ARHGAP32: variants seen among roughly 807,000 people sequenced by gnomAD.
The protein encoded by ARHGAP32 is rho GTPase-activating protein 32.
Under a neutral mutation model 186.5 loss-of-function variants are expected in ARHGAP32, and 51 were observed. That is an observed-to-expected ratio of 0.27 (90% CI 0.22 to 0.35). ARHGAP32 has a LOEUF of 0.35. Ranked by LOEUF, ARHGAP32 falls within the 10% of genes least tolerant of loss-of-function variation. The pLI is 1.00. For missense variants in ARHGAP32, 2,186 were observed against 2,623.5 expected (o/e 0.83, Z 3.64); for synonymous variants, 950 against 964.3 (o/e 0.99, Z 0.27).
intron 1 of ARHGAP32, among the ~76,000 whole-genome samples, chr11:129,170,973 G>A (rs1335603394): frequency 6.6e-6 from 1 of 152,212 alleles, no homozygotes; most frequent in Non-Finnish European, 1.5e-5. Flanking sequence ...CTTCCTTTGA[G>A]AGGTGTCTGT....
At chr11:129,204,116 T>C (rs1944488976) in intron 1 of ARHGAP32, among the ~76,000 whole-genome samples, 1 of 150,946 alleles carries the variant, frequency 6.6e-6, no homozygotes, top group Non-Finnish European at 1.5e-5. Context: ...GAATATGCTA[T>C]AGTCCATGAG....
intron 1 of ARHGAP32, among the ~76,000 whole-genome samples, chr11:129,230,259 A>T (rs1944840486): frequency 6.6e-6 from 1 of 152,144 alleles, no homozygotes; most frequent in Non-Finnish European, 1.5e-5. Flanking sequence ...CTGCTTGGCC[A>T]ATCCAAATTA....
chr11:128,993,894 A>C lies in ARHGAP32; in HGVS notation c.1195+4425T>G, dbSNP rs1195885593. Among the ~76,000 whole-genome samples, 6 of 151,948 alleles carry C rather than the reference A, an allele frequency of 3.9e-5. No individual in the cohort carries two copies. In the East Asian group the frequency reaches 1.2e-3, roughly 29 times the overall value. ...TTTTTTGTAGAGACACTGTCCCTAC[A>C]AAAAAATCAATGACAAAAAATCAAT... On this transcript the variant is annotated intron_variant, in intron 12 of 22. Coordinates refer to ENST00000682385, the MANE Select transcript of ARHGAP32 (RefSeq NM_001378024.1).
At chr11:129,053,234 T>C (rs1462918447) in intron 10 of ARHGAP32, among the ~76,000 whole-genome samples, 1 of 152,128 alleles carries the variant, frequency 6.6e-6, no homozygotes, top group African/African-American at 2.4e-5. Flanking sequence ...ATATATCTAA[T>C]GGCACTAATA....
At position 129,067,618 on chromosome 11, in the gene ARHGAP32, G is replaced by A. The variant is rs371541912; in HGVS notation, c.532-750C>T. ...AATACAGAGTTTATCAGCTCACACC[G>A]CAACAACAACAAGTCCTTCAAAAGC... is the stretch of plus-strand genomic sequence containing the variant. On this transcript the variant is annotated intron_variant, in intron 6 of 22. Coordinates refer to ENST00000682385, the MANE Select transcript of ARHGAP32 (RefSeq NM_001378024.1). 2.8e-3 allele frequency among the ~76,000 whole-genome samples: 429 copies of A among 152,046 alleles called. 6 individuals carry two copies. The South Asian group carries it at 0.044, about 16-fold the overall frequency.
intron 11 of ARHGAP32, among the ~76,000 whole-genome samples, chr11:129,029,960 T>C (rs1244600920): frequency 6.6e-6 from 1 of 152,122 alleles, no homozygotes. Context: ...TATAAATACA[T>C]GGTATTATAA....
At chr11:129,058,493 AT>A (rs1940357795) in intron 10 of ARHGAP32, among the ~76,000 whole-genome samples, 1 of 152,288 alleles carries the variant, frequency 6.6e-6, no homozygotes, top group African/African-American at 2.4e-5. Flanking sequence ...CAAAATTAAA[AT>A]TTTAAAATAG....
At position 128,970,704 on chromosome 11, in the gene ARHGAP32, A is replaced by T. The variant is rs1283298243; in HGVS notation, c.4509T>A (p.Asp1503Glu). The change falls in exon 23 of 23, where the codon GAT becomes GAA. Residue 1503 changes from aspartate to glutamate, a missense_variant. This residue lies in a region of ARHGAP32 where 1,502 missense variants were observed against 1,570.0 expected (regional missense o/e 0.96). Coordinates refer to ENST00000682385, the MANE Select transcript of ARHGAP32 (RefSeq NM_001378024.1). The surrounding 1 kb of genome is among the most constrained non-coding windows in gnomAD (Gnocchi z 5.8). ...PDVTTEPFGPDNCLHFNMTPN... is the reference protein window; with the variant it reads ...PDVTTEPFGPENCLHFNMTPN... The stretch of plus-strand genomic sequence containing the variant: ...GAGTCATATTGAAATGCAAACAGTT[A>T]TCTGGACCAAAGGGTTCAGTGGTGA... 1.9e-6 allele frequency: 3 copies of T among 1,614,080 alleles called. No individual in the cohort carries two copies. The highest frequency in any genetic ancestry group is 2.2e-5 in the East Asian group (1 of 44,894).
chr11:129,153,638 G>A (rs1462469446), intron 2 of ARHGAP32, among the ~76,000 whole-genome samples: 2 of 152,194 alleles, frequency 1.3e-5, no homozygotes, highest in Non-Finnish European at 2.9e-5. Flanking sequence ...AATTGGGTAA[G>A]GGATACCTAT....
chr11:129,193,813 GAAC>G (rs1264133048), upstream of ARHGAP32, among the ~76,000 whole-genome samples: 12 of 131,542 alleles, frequency 9.1e-5, no homozygotes, highest in East Asian at 2.2e-4. Flanking sequence ...AAAAACAACA[GAAC>G]AACATTATAA....
At chr11:129,141,879 AAG>A (rs1338542260) in intron 2 of ARHGAP32, among the ~76,000 whole-genome samples, 42 of 152,200 alleles carry the variant, frequency 2.8e-4, no homozygotes, top group African/African-American at 9.6e-4. Context: ...GAAAGAGAGA[AAG>A]AGAAAGTCAC....
At chr11:129,276,004 C>A (rs1319192516) in intron 1 of ARHGAP32, among the ~76,000 whole-genome samples, 1 of 152,236 alleles carries the variant, frequency 6.6e-6, no homozygotes, top group Non-Finnish European at 1.5e-5. Context: ...TCTTGTCCAG[C>A]CTTGGCACAG....
At chr11:129,152,403 A>T (rs1471690931) in intron 2 of ARHGAP32, among the ~76,000 whole-genome samples, 2 of 152,118 alleles carry the variant, frequency 1.3e-5, no homozygotes, top group Admixed American at 1.3e-4. Context: ...ACATCACCCA[A>T]ATACCAAAAC....
chr11:129,004,978 A>G (rs1316723118), intron 11 of ARHGAP32, among the ~76,000 whole-genome samples: 2 of 151,646 alleles, frequency 1.3e-5, no homozygotes, highest in Non-Finnish European at 2.9e-5. Context: ...CCTTTTAGTA[A>G]AGGTGATTTT....
intron 2 of ARHGAP32, among the ~76,000 whole-genome samples, chr11:129,143,126 T>C (rs1023899487): frequency 7.0e-6 from 1 of 143,202 alleles, no homozygotes; most frequent in Non-Finnish European, 1.5e-5. Flanking sequence ...ACAAAATTTG[T>C]GCTGTCAAGA....
At chr11:129,235,900 A>AACACACACAC (rs57291313) in intron 1 of ARHGAP32, among the ~76,000 whole-genome samples, 7,117 of 145,586 alleles carry the variant, frequency 0.049, 229 homozygotes, top group African/African-American at 0.064. Flanking sequence ...GTCATTCATA[A>AACACACACAC]ACACACACAC....
chr11:129,121,082 T>C (rs1298934549), intron 5 of ARHGAP32, among the ~76,000 whole-genome samples: 3 of 152,116 alleles, frequency 2.0e-5, no homozygotes, highest in African/African-American at 7.2e-5. Flanking sequence ...GCAAGATGTT[T>C]ATAAAATGAT....
At chr11:129,063,459 G>T (rs1300487875) in intron 9 of ARHGAP32, among the ~76,000 whole-genome samples, 1 of 151,782 alleles carries the variant, frequency 6.6e-6, no homozygotes. Flanking sequence ...TCAACAATAT[G>T]TGAAAAAAAA....
At chr11:129,215,852 T>C (rs1422619328) in intron 1 of ARHGAP32, among the ~76,000 whole-genome samples, 1 of 152,124 alleles carries the variant, frequency 6.6e-6, no homozygotes, top group African/African-American at 2.4e-5. Flanking sequence ...AATGCTACCT[T>C]ATTTGAAAAA....
Sources: gnomAD v4.1 joint callset for allele counts (sites outside exome capture counted in the v4.1 genomes callset) on GRCh38, gnomAD v4.1.1 for gene constraint, gnomAD v4.1.1 regional missense constraint, Gnocchi (gnomAD v3.1) non-coding constraint, MANE v1.5 for transcripts, NCBI Gene and HGNC (gene_info 2026-07-23, HGNC 2026-07-21) for gene names.